The following SVIL variants were observed in gnomAD, a reference collection of about 807,000 sequenced individuals.
SVIL encodes archvillin.
A neutral mutation model predicts 240.4 loss-of-function variants in SVIL; 101 were observed. The observed-to-expected ratio is 0.42, with a 90% CI of 0.36 to 0.50. The LOEUF (loss-of-function observed/expected upper bound fraction) is 0.50. Among genes scored for constraint, SVIL ranks in the 20% least tolerant of loss-of-function variants. The pLI, the probability that SVIL is intolerant of heterozygous loss-of-function variation, is 0.01. For missense variants in SVIL, 2,512 were observed against 2,818.7 expected (o/e 0.89, Z 2.46); for synonymous variants, 999 against 1,100.0 (o/e 0.91, Z 1.82).
chr10:29,669,804 T>C (rs1475764227), intron 2 of SVIL, among the ~76,000 whole-genome samples: 2 of 152,092 alleles, frequency 1.3e-5, no homozygotes, highest in African/African-American at 2.4e-5. Context: ...GTCTGGGAGT[T>C]AGTGACATGA....
intron 1 of SVIL, among the ~76,000 whole-genome samples, chr10:29,692,985 G>C (rs1961628385): frequency 6.6e-6 from 1 of 152,058 alleles, no homozygotes; most frequent in African/African-American, 2.4e-5. Flanking sequence ...CTAAGCTTGT[G>C]GGAGTTATTT....
intron 1 of SVIL, among the ~76,000 whole-genome samples, chr10:29,625,709 G>A (rs17544319): frequency 6.6e-6 from 1 of 152,104 alleles, no homozygotes; most frequent in Admixed American, 6.5e-5. Flanking sequence ...TGATCCACCC[G>A]CCTTGGCCTC....
chr10:29,518,729 TC>T (rs1167097517), intron 16 of SVIL, among the ~76,000 whole-genome samples: 5 of 151,672 alleles, frequency 3.3e-5, no homozygotes. Flanking sequence ...GGTGGTGGGC[TC>T]CTGTGATCCC....
chr10:29,517,066 T>C (rs1458444643), intron 16 of SVIL, among the ~76,000 whole-genome samples: 1 of 152,052 alleles, frequency 6.6e-6, no homozygotes, highest in Non-Finnish European at 1.5e-5. Context: ...GGTTCACAAG[T>C]TGGAGAAGTG....
intron 20 of SVIL, 75 bp downstream of exon 20, chr10:29,494,839 G>GAA: frequency 7.0e-7 from 1 of 1,423,024 alleles, no homozygotes; most frequent in Admixed American, 1.9e-5. Context: ...TCTTTTTTTT[G>GAA]GCTGAGGAAG....
At position 29,488,723 on chromosome 10, in the gene SVIL, A is replaced by T. The variant is rs759098839; in HGVS notation, c.4226T>A (p.Leu1409Gln). 2 of 1,612,838 alleles carry T rather than the reference A, an allele frequency of 1.2e-6. No individual in the cohort carries two copies. Among genetic ancestry groups the T allele is most frequent in the African/African-American group, 2.7e-5 (2 of 74,904 alleles). Residue 1409 changes from leucine (L) to glutamine (Q), a missense_variant, in exon 23 of 38, where the codon CTG becomes CAG. By Grantham distance (113) the Leu-to-Gln change is moderately radical. This residue lies in a region of SVIL where 272 missense variants were observed against 406.8 expected (regional missense o/e 0.67). Coordinates refer to ENST00000355867, the MANE Select transcript of SVIL (RefSeq NM_021738.3). ...GTTTTCTTTACTGGCTAAACCCGCCAGGGTGACTTCTGAGAAGTTGGAGTT... is the reference window on the plus strand; with the variant it reads ...GTTTTCTTTACTGGCTAAACCCGCCTGGGTGACTTCTGAGAAGTTGGAGTT... ...SSNSNFSEVT[L>Q]AGLASKENFS...
rs1174406777 is a variant in SVIL, at chr10:29,533,044, T to C, written c.1323A>G (p.Glu441=). The part of the protein sequence containing the change: ...EGEGEGEEKE[E]DVCFTEALEQ... ...CGAGAGCTTCAGTGAAGCACACATC[T>C]TCTTCTTTTTCTTCTCCTTCTCCTT... The change falls in exon 8 of 38, where the codon GAA becomes GAG. Residue 441 remains glutamate, a synonymous_variant. Coordinates refer to ENST00000355867, the MANE Select transcript of SVIL (RefSeq NM_021738.3). 6.2e-7 allele frequency: 1 copy of C among 1,613,888 alleles called. No homozygotes were observed. The highest frequency in any genetic ancestry group is 8.5e-7 in the Non-Finnish European group (1 of 1,179,900).
chr10:29,463,925 C>T (rs1477939986), intron 34 of SVIL, among the ~76,000 whole-genome samples: 3 of 152,200 alleles, frequency 2.0e-5, no homozygotes, highest in Non-Finnish European at 4.4e-5. Context: ...CAGCTCAAGG[C>T]CCTGGCCCTT....
At chr10:29,526,761 G>C (rs1334431150) in intron 13 of SVIL, among the ~76,000 whole-genome samples, 200 bp downstream of exon 13, 1 of 152,236 alleles carries the variant, frequency 6.6e-6, no homozygotes, top group Non-Finnish European at 1.5e-5. Flanking sequence ...TATGCAGAGA[G>C]ACAAAATGTT....
chr10:29,729,459 G>GTT (rs1964478138), intron 1 of SVIL, among the ~76,000 whole-genome samples: 4 of 52,972 alleles, frequency 7.6e-5, no homozygotes, highest in Admixed American at 3.5e-4. Context: ...AGGTGTGTGT[G>GTT]TGTGTGTGTG....
chr10:29,711,410 TA>T (rs1178610091), intron 1 of SVIL, among the ~76,000 whole-genome samples: 1 of 143,190 alleles, frequency 7.0e-6, no homozygotes, highest in Non-Finnish European at 1.5e-5. Flanking sequence ...AATAAATAAA[TA>T]AACCTCAAGG....
At position 29,542,685 on chromosome 10, in the gene SVIL, T is replaced by C. The variant is rs374050232; in HGVS notation, c.828-6616A>G. 5.1e-3 allele frequency among the ~76,000 whole-genome samples: 778 copies of C among 152,374 alleles called. 49 individuals are homozygous for C. The South Asian group carries it at 0.12, about 24-fold the overall frequency. On this transcript the variant is annotated intron_variant, in intron 6 of 37. Coordinates refer to ENST00000355867, the MANE Select transcript of SVIL (RefSeq NM_021738.3). ...TCTTTGTGTCACAAACAATTGATTA[T>C]ACTTTTAGTTATTTTAAAATGCACG...
intron 2 of SVIL, among the ~76,000 whole-genome samples, chr10:29,658,610 G>A (rs1334902211): frequency 2.0e-5 from 3 of 152,148 alleles, no homozygotes; most frequent in African/African-American, 7.2e-5. Context: ...GAACAAATTA[G>A]CTGAGCGTGG....
chr10:29,684,863 G>C (rs1329479261), intron 2 of SVIL, among the ~76,000 whole-genome samples: 1 of 152,182 alleles, frequency 6.6e-6, no homozygotes, highest in African/African-American at 2.4e-5. Flanking sequence ...TGCTACAGTA[G>C]AGTCAGGTTG....
chr10:29,718,566 G>A (rs1018021285), intron 1 of SVIL, among the ~76,000 whole-genome samples: 8 of 152,088 alleles, frequency 5.3e-5, no homozygotes, highest in South Asian at 2.1e-4. Context: ...CAATATGACC[G>A]CCCTAGGTTA....
At chr10:29,479,753 G>A (rs528680444) in intron 29 of SVIL, among the ~76,000 whole-genome samples, 3 of 152,338 alleles carry the variant, frequency 2.0e-5, no homozygotes, top group Admixed American at 2.0e-4. Flanking sequence ...GGCCCCGGGG[G>A]CAGGTGCACC....
intron 1 of SVIL, among the ~76,000 whole-genome samples, chr10:29,602,707 C>T (rs947521486): frequency 5.9e-5 from 9 of 151,428 alleles, no homozygotes; most frequent in African/African-American, 4.9e-5. Context: ...AGGGAGAGGC[C>T]GGGCGCTGTG....
chr10:29,637,261 G>T (rs1589434693), upstream of SVIL, among the ~76,000 whole-genome samples: 1 of 152,146 alleles, frequency 6.6e-6, no homozygotes, highest in Admixed American at 6.5e-5. Flanking sequence ...GAGGCGGGTG[G>T]ATCACCTGAG....
chr10:29,493,105 G>A, intron 21 of SVIL, 109 bp downstream of exon 21: 7 of 1,298,162 alleles, frequency 5.4e-6, no homozygotes, highest in Non-Finnish European at 7.4e-6. Context: ...CCGTGATGGA[G>A]TTAGAAGGAG....
Sources: allele counts gnomAD v4.1 joint callset (sites outside exome capture counted in the v4.1 genomes callset), GRCh38; gene constraint gnomAD v4.1.1; regional missense constraint gnomAD v4.1.1; transcripts MANE v1.5; gene names NCBI Gene and HGNC (gene_info 2026-07-23, HGNC 2026-07-21).